The following DTNA variants were observed in gnomAD, a reference collection of about 807,000 sequenced individuals.
DTNA encodes dystrophin-related protein 3.
Under a neutral mutation model 100.7 loss-of-function variants are expected in DTNA, and 43 were observed. The observed-to-expected ratio is 0.43, with a 90% CI of 0.33 to 0.55. The LOEUF is 0.55. Ranked by LOEUF, DTNA falls within the 20% of genes least tolerant of loss-of-function variation. DTNA has a pLI of 0.04. For missense variants in DTNA, 798 were observed against 953.9 expected, an observed-to-expected ratio of 0.84 and a Z score of 2.15; for synonymous variants, 349 against 347.9, an observed-to-expected ratio of 1.00 and a Z score of -0.04.
chr18:34,640,029 TA>T (rs1296560725), intron 1 of DTNA, among the ~76,000 whole-genome samples: 1 of 152,230 alleles, frequency 6.6e-6, no homozygotes, highest in African/African-American at 2.4e-5. Flanking sequence ...TTTTCAGGTA[TA>T]AAAGATTGCA....
chr18:34,838,848 G>A lies in DTNA; in HGVS notation c.1346+11G>A. The A allele has an allele frequency of 1.2e-6, 2 of 1,612,468 alleles. No homozygotes were observed. The highest frequency in any genetic ancestry group is 1.7e-6 in the Non-Finnish European group (2 of 1,178,658). Reference sequence around the variant, plus strand: ...GAACAACCCCTCATGGTTAGTGCAGGTTTGGCTGCTTGACTGTCCTTAGAG... The same window carrying A: ...GAACAACCCCTCATGGTTAGTGCAGATTTGGCTGCTTGACTGTCCTTAGAG... On this transcript the variant is annotated intron_variant, in intron 13 of 22. Transcript: ENST00000444659.
intron 1 of DTNA, among the ~76,000 whole-genome samples, chr18:34,612,263 A>T (rs930549780): frequency 6.6e-6 from 1 of 152,194 alleles, no homozygotes; most frequent in Non-Finnish European, 1.5e-5. Context: ...GGGATCCTGC[A>T]GCTGCTGGCT....
intron 15 of DTNA, among the ~76,000 whole-genome samples, chr18:34,855,510 C>G (rs531151616): frequency 6.6e-6 from 1 of 152,314 alleles, no homozygotes; most frequent in East Asian, 1.9e-4. Context: ...TCTGAACTTT[C>G]CATTAGGGAT....
intron 9 of DTNA, among the ~76,000 whole-genome samples, chr18:34,824,501 T>C (rs1263634709): frequency 6.6e-6 from 1 of 151,950 alleles, no homozygotes; most frequent in Non-Finnish European, 1.5e-5. Context: ...TTTTTTTTAC[T>C]ACATGGCACA....
At chr18:34,559,823 C>T (rs2046472498) in intron 1 of DTNA, among the ~76,000 whole-genome samples, 1 of 152,152 alleles carries the variant, frequency 6.6e-6, no homozygotes, top group African/African-American at 2.4e-5. Context: ...TACTAGTAAG[C>T]TGGAATTAAT....
rs144607351 is a variant in DTNA, at chr18:34,861,872, C to T, written c.1647-2094C>T. Among the ~76,000 whole-genome samples, 256 of 152,064 alleles carry T rather than the reference C, an allele frequency of 1.7e-3. 3 individuals are homozygous for T. The highest frequency in any genetic ancestry group is 5.9e-3 in the African/African-American group (245 of 41,484). ...TGCCATTACTCTTAATGGCAAAAAC[C>T]GCAGTTACTTTTGCACCAACCTAAT... On this transcript the variant is annotated intron_variant, in intron 16 of 22. Transcript: ENST00000444659.
intron 4 of DTNA, among the ~76,000 whole-genome samples, chr18:34,803,762 G>C (rs1326021717): frequency 1.3e-5 from 2 of 152,166 alleles, no homozygotes; most frequent in African/African-American, 4.8e-5. Context: ...GAATGCTTTT[G>C]AATAGGCTGG....
At chr18:34,601,158 A>G (rs1487967858) in intron 1 of DTNA, among the ~76,000 whole-genome samples, 1 of 152,234 alleles carries the variant, frequency 6.6e-6, no homozygotes, top group Non-Finnish European at 1.5e-5. Flanking sequence ...CAGCAGAGGT[A>G]CTGCTCCTTG....
chr18:34,765,142 C>A (rs1049843069), intron 2 of DTNA, among the ~76,000 whole-genome samples: 1 of 152,100 alleles, frequency 6.6e-6, no homozygotes, highest in Non-Finnish European at 1.5e-5. Context: ...GGATTCTGAG[C>A]AGAGCTTTTA....
chr18:34,658,467 C>A (rs986185108), intron 1 of DTNA, among the ~76,000 whole-genome samples: 1 of 152,182 alleles, frequency 6.6e-6, no homozygotes, highest in African/African-American at 2.4e-5. Context: ...ACTCTCATAC[C>A]TCAGCCTCCC....
At chr18:34,633,521 A>T (rs2058321181) in intron 1 of DTNA, among the ~76,000 whole-genome samples, 1 of 152,166 alleles carries the variant, frequency 6.6e-6, no homozygotes, top group South Asian at 2.1e-4. Flanking sequence ...AAGTGGAAAA[A>T]TTGCAAGCAG....
At chr18:34,520,907 C>A (rs1186224938) in intron 1 of DTNA, among the ~76,000 whole-genome samples, 2 of 152,042 alleles carry the variant, frequency 1.3e-5, no homozygotes, top group East Asian at 3.9e-4. Context: ...CCCCGGCTCC[C>A]ATATATCAAA....
chr18:34,581,326 T>C (rs1432192545), intron 1 of DTNA, among the ~76,000 whole-genome samples: 1 of 152,142 alleles, frequency 6.6e-6, no homozygotes, highest in Non-Finnish European at 1.5e-5. Flanking sequence ...GTTGTCCTTA[T>C]CCAACTCTGT....
At chr18:34,602,698 CA>C (rs1265610804) in intron 1 of DTNA, among the ~76,000 whole-genome samples, 1 of 148,140 alleles carries the variant, frequency 6.8e-6, no homozygotes, top group African/African-American at 2.5e-5. Context: ...CCTGTCTCTA[CA>C]AAAAAAAACA....
At chr18:34,499,973 G>A (rs2039716231) in intron 1 of DTNA, among the ~76,000 whole-genome samples, 1 of 152,028 alleles carries the variant, frequency 6.6e-6, no homozygotes, top group Admixed American at 6.6e-5. Context: ...AATAACTATT[G>A]AACTCATAAT....
At chr18:34,594,144 A>G (rs1943038) in intron 1 of DTNA, among the ~76,000 whole-genome samples, 2 of 119,064 alleles carry the variant, frequency 1.7e-5, no homozygotes, top group African/African-American at 6.8e-5. Context: ...CTCCTTCAGG[A>G]AAAAAAAAAA....
chr18:34,703,570 T>C (rs1429783733), intron 1 of DTNA, among the ~76,000 whole-genome samples: 2 of 152,150 alleles, frequency 1.3e-5, no homozygotes, highest in Non-Finnish European at 2.9e-5. Context: ...TGCAGTGGCC[T>C]GATGGAGAAC....
At chr18:34,771,469 C>T (rs2093769587) in intron 3 of DTNA, among the ~76,000 whole-genome samples, 1 of 151,662 alleles carries the variant, frequency 6.6e-6, no homozygotes, top group Non-Finnish European at 1.5e-5. Context: ...CACTGCACTC[C>T]AGCCTGAGTG....
intron 1 of DTNA, among the ~76,000 whole-genome samples, chr18:34,655,197 A>T (rs1016294245): frequency 2.6e-5 from 4 of 152,250 alleles, no homozygotes; most frequent in Middle Eastern, 3.4e-3. Context: ...TCAAGAGGTG[A>T]CCTTCCCACA....
Sources: gnomAD v4.1 joint callset for allele counts (sites outside exome capture counted in the v4.1 genomes callset) on GRCh38, gnomAD v4.1.1 for gene constraint, MANE v1.5 for transcripts, NCBI Gene and HGNC (gene_info 2026-07-23, HGNC 2026-07-21) for gene names.